PCDHA8: variants seen among roughly 807,000 people sequenced by gnomAD.
The protein encoded by PCDHA8 is protocadherin alpha-8.
PCDHA8 carries 53 observed loss-of-function variants against 61.8 expected under a neutral mutation model. That is an observed-to-expected ratio of 0.86 (90% CI 0.69 to 1.08). The LOEUF (loss-of-function observed/expected upper bound fraction) is 1.08, where lower values mean the gene tolerates loss of function less well. PCDHA8 is among the 50% of genes least tolerant of loss of function. The pLI is 0.00. For missense variants in PCDHA8, 1,293 were observed against 1,245.0 expected, an observed-to-expected ratio of 1.04 and a Z score of -0.58; for synonymous variants, 618 against 556.6, an observed-to-expected ratio of 1.11 and a Z score of -1.55.
chr5:140,872,164 TC>T (rs1346109895), intron 1 of PCDHA8, among the ~76,000 whole-genome samples: 1 of 151,498 alleles, frequency 6.6e-6, no homozygotes, highest in Non-Finnish European at 1.5e-5. Context: ...GATTTACTTT[TC>T]TTTTTTTTTT....
At chr5:140,862,620 G>C in intron 1 of PCDHA8, 1 of 528,384 alleles carries the variant, frequency 1.9e-6, no homozygotes, top group Non-Finnish European at 3.8e-6. Context: ...GTAACAACCC[G>C]CGGGGCTGCC....
chr5:140,896,192 C>G (rs369443676), intron 1 of PCDHA8, among the ~76,000 whole-genome samples: 1 of 152,162 alleles, frequency 6.6e-6, no homozygotes, highest in African/African-American at 2.4e-5. Context: ...TGAATAGTGC[C>G]ATGATGAACA....
chr5:140,893,689 A>G (rs999117899), intron 1 of PCDHA8, among the ~76,000 whole-genome samples: 2 of 152,192 alleles, frequency 1.3e-5, no homozygotes, highest in Non-Finnish European at 2.9e-5. Context: ...ATATCATCTC[A>G]TTCTATCCTA....
chr5:140,885,925 T>A lies in PCDHA8; in HGVS notation c.2394+42210T>A, dbSNP rs1431219397. The stretch of plus-strand genomic sequence containing the variant: ...CTGTACCTTATAGATATTAACTGTT[T>A]ATCTATTTTTTGACATTTTTAATTA... On this transcript the variant is annotated intron_variant, in intron 1 of 3. Coordinates refer to ENST00000531613, the MANE Select transcript of PCDHA8 (RefSeq NM_018911.3). 2.0e-5 allele frequency among the ~76,000 whole-genome samples: 3 copies of A among 151,896 alleles called. No homozygotes were observed. In the East Asian group the frequency reaches 5.8e-4, roughly 29 times the overall value.
At chr5:140,931,390 G>A (rs1296292494) in intron 1 of PCDHA8, among the ~76,000 whole-genome samples, 1 of 152,038 alleles carries the variant, frequency 6.6e-6, no homozygotes, top group Non-Finnish European at 1.5e-5. Flanking sequence ...GGAAACATAA[G>A]TAAGCGATAG....
At chr5:140,906,111 C>T (rs910809345) in intron 1 of PCDHA8, among the ~76,000 whole-genome samples, 1 of 152,100 alleles carries the variant, frequency 6.6e-6, no homozygotes, top group Admixed American at 6.5e-5. Flanking sequence ...TTTCCCAGTC[C>T]ACTGACACAA....
intron 1 of PCDHA8, chr5:140,884,351 G>A: frequency 6.2e-7 from 1 of 1,613,946 alleles, no homozygotes; most frequent in Non-Finnish European, 8.5e-7. Context: ...GGCGCTGGTG[G>A]ATGTCAATGT....
At chr5:140,869,325 T>C in intron 1 of PCDHA8, 2 of 1,613,866 alleles carry the variant, frequency 1.2e-6, no homozygotes, top group Non-Finnish European at 1.7e-6. Flanking sequence ...ATGGGGACCT[T>C]CTGGAGGTAA....
chr5:140,887,880 G>A (rs2061617016), intron 1 of PCDHA8, among the ~76,000 whole-genome samples: 1 of 151,970 alleles, frequency 6.6e-6, no homozygotes, highest in African/African-American at 2.4e-5. Flanking sequence ...TCCTTTTGTA[G>A]TATCATATCT....
At chr5:140,944,558 G>A (rs140707063) in intron 1 of PCDHA8, among the ~76,000 whole-genome samples, 10 of 152,230 alleles carry the variant, frequency 6.6e-5, no homozygotes, top group African/African-American at 2.2e-4. Flanking sequence ...TAGTTTTCCT[G>A]GCAACTTACT....
At chr5:140,949,626 G>A (rs2094403314) in intron 1 of PCDHA8, among the ~76,000 whole-genome samples, 1 of 151,546 alleles carries the variant, frequency 6.6e-6, no homozygotes, top group Non-Finnish European at 1.5e-5. Context: ...CTGTTTTCAT[G>A]GCATATTGCT....
In PCDHA8 at chr5:140,857,513, G is replaced by T. The variant is rs781950263; in HGVS notation, c.2394+13798G>T. 3 of 1,598,208 alleles carry T rather than the reference G, an allele frequency of 1.9e-6. No individual in the cohort carries two copies. In the South Asian group the frequency reaches 3.3e-5, roughly 18 times the overall value. On this transcript the variant is annotated intron_variant, in intron 1 of 3. Transcript: ENST00000531613. ...CGCGGACGCGCAGGAGAACGCCCTG[G>T]TGTCCTACTCTCTGGTGGAGCGGCG...
rs976104418 is a variant in PCDHA8 at position 140,967,290 on chromosome 5, C to G, written c.2395-11659C>G. The G allele has an allele frequency of 3.1e-6, 5 of 1,612,712 alleles. No individual in the cohort carries two copies. In the African/African-American group the frequency reaches 5.3e-5, roughly 17 times the overall value. ...TTTCACATAGAGAGTGCGCAGGACC[C>G]CGACGTGGGCGCCAACTCAGTACAG... On this transcript the variant is annotated intron_variant, in intron 1 of 3. Coordinates refer to ENST00000531613, the MANE Select transcript of PCDHA8 (RefSeq NM_018911.3).
chr5:140,920,747 G>A (rs565649077), intron 1 of PCDHA8, among the ~76,000 whole-genome samples: 10 of 152,052 alleles, frequency 6.6e-5, no homozygotes, highest in African/African-American at 2.4e-4. Context: ...AGGAGGCTGA[G>A]GCAGGAGAAT....
chr5:140,967,084 TC>T, intron 1 of PCDHA8: 2 of 1,613,270 alleles, frequency 1.2e-6, no homozygotes, highest in African/African-American at 2.7e-5. Flanking sequence ...AGCGCATTGA[TC>T]GGGAGGCGCT....
chr5:140,986,042 C>T (rs1344724281), intron 3 of PCDHA8, among the ~76,000 whole-genome samples: 1 of 152,104 alleles, frequency 6.6e-6, no homozygotes, highest in Admixed American at 6.5e-5. Context: ...CCTGGCCTCA[C>T]TGATGAATTC....
intron 1 of PCDHA8, among the ~76,000 whole-genome samples, chr5:140,936,295 C>T (rs1482125698): frequency 1.3e-5 from 2 of 152,182 alleles, no homozygotes; most frequent in African/African-American, 4.8e-5. Context: ...TATAACATTG[C>T]TATCCAATAG....
At chr5:140,921,704 A>T (rs1465184855) in intron 1 of PCDHA8, among the ~76,000 whole-genome samples, 8 of 152,234 alleles carry the variant, frequency 5.3e-5, no homozygotes, top group African/African-American at 1.9e-4. Flanking sequence ...AATTTTAAAC[A>T]GTAAACACAC....
At chr5:140,927,105 C>T in intron 1 of PCDHA8, 1 of 1,613,778 alleles carries the variant, frequency 6.2e-7, no homozygotes, top group Non-Finnish European at 8.5e-7. Flanking sequence ...TGGATCTACC[C>T]AGCGGCAATT....
Sources: allele counts gnomAD v4.1 joint callset (sites outside exome capture counted in the v4.1 genomes callset), GRCh38; gene constraint gnomAD v4.1.1; transcripts MANE v1.5; gene names NCBI Gene and HGNC (gene_info 2026-07-23, HGNC 2026-07-21).